Variants in LRP1B observed in about 807,000 individuals in gnomAD.
The protein encoded by LRP1B is LDL receptor related protein 1B.
LRP1B carries 217 observed loss-of-function variants against 556.6 expected under a neutral mutation model. The observed-to-expected ratio is 0.39, with a 90% CI of 0.35 to 0.44. LRP1B has a LOEUF of 0.44. Among genes scored for constraint, LRP1B ranks in the 20% least tolerant of loss-of-function variants. The pLI, the probability that LRP1B is intolerant of heterozygous loss-of-function variation, is 1.00. For missense variants in LRP1B, 5,053 were observed against 5,620.8 expected, an observed-to-expected ratio of 0.90 and a Z score of 3.23; for synonymous variants, 2,047 against 1,865.8, an observed-to-expected ratio of 1.10 and a Z score of -2.50.
intron 41 of LRP1B, among the ~76,000 whole-genome samples, chr2:140,619,252 C>A (rs1175410984): frequency 2.0e-5 from 3 of 152,044 alleles, no homozygotes; most frequent in Non-Finnish European, 2.9e-5. Flanking sequence ...AATAAACTTA[C>A]AAATTTGTTT....
chr2:141,791,853 C>T (rs1308149912), intron 2 of LRP1B, among the ~76,000 whole-genome samples: 1 of 151,946 alleles, frequency 6.6e-6, no homozygotes, highest in Non-Finnish European at 1.5e-5. Flanking sequence ...TGGTTATGTC[C>T]ACTTACAAAA....
At chr2:142,036,650 T>A (rs1297466001) in intron 1 of LRP1B, among the ~76,000 whole-genome samples, 7 of 151,616 alleles carry the variant, frequency 4.6e-5, no homozygotes, top group Admixed American at 4.6e-4. Flanking sequence ...TACATTGCAT[T>A]TTTTTGACAA....
At chr2:141,032,643 A>C (rs142339627) in intron 11 of LRP1B, among the ~76,000 whole-genome samples, 16 of 151,802 alleles carry the variant, frequency 1.1e-4, no homozygotes, top group Admixed American at 2.6e-4. Flanking sequence ...TGCCTCAATA[A>C]GTCCTTTTTA....
intron 1 of LRP1B, among the ~76,000 whole-genome samples, chr2:141,945,931 G>GATTT (rs140141783): frequency 0.1 from 15,550 of 150,764 alleles, 919 homozygotes; most frequent in African/African-American, 0.12. Flanking sequence ...AAACCAGCAG[G>GATTT]ATTTATTTAT....
At chr2:141,916,677 C>T (rs1018827882) in intron 1 of LRP1B, among the ~76,000 whole-genome samples, 20 of 151,884 alleles carry the variant, frequency 1.3e-4, no homozygotes, top group African/African-American at 4.8e-4. Context: ...CCACCGCGCC[C>T]GGCCCCACAC....
intron 41 of LRP1B, among the ~76,000 whole-genome samples, chr2:140,612,384 C>T (rs1553498773): frequency 6.6e-6 from 1 of 152,024 alleles, no homozygotes; most frequent in Non-Finnish European, 1.5e-5. Context: ...GCATTAATTT[C>T]TACATTTACC....
At chr2:141,519,402 TGA>T (rs1447891221) in intron 2 of LRP1B, among the ~76,000 whole-genome samples, 1,969 of 29,520 alleles carry the variant, frequency 0.067, 82 homozygotes, top group Non-Finnish European at 0.086. Flanking sequence ...TATATATATA[TGA>T]AATGCAATAT....
chr2:141,361,915 C>A (rs77438337), intron 3 of LRP1B, among the ~76,000 whole-genome samples: 9,336 of 152,248 alleles, frequency 0.061, 391 homozygotes, highest in African/African-American at 0.1. Context: ...AGTACACTAT[C>A]CTTTCACTCA....
intron 27 of LRP1B, among the ~76,000 whole-genome samples, chr2:140,859,378 G>A (rs1377100258): frequency 1.3e-5 from 2 of 152,164 alleles, no homozygotes; most frequent in South Asian, 4.1e-4. Context: ...TAGTGAGGGA[G>A]TATCAATAAT....
chr2:141,792,370 T>TA, intron 2 of LRP1B, among the ~76,000 whole-genome samples: 1 of 152,084 alleles, frequency 6.6e-6, no homozygotes, highest in Non-Finnish European at 1.5e-5. Context: ...TTCATTCCCT[T>TA]AAAAAAGAAA....
intron 86 of LRP1B, among the ~76,000 whole-genome samples, chr2:140,252,865 A>C (rs1681511747): frequency 1.3e-5 from 2 of 152,114 alleles, no homozygotes; most frequent in African/African-American, 4.8e-5. Context: ...TCTATCATTT[A>C]TAAATTCATC....
chr2:141,017,175 A>G lies in LRP1B; in HGVS notation c.1971-1260T>C, dbSNP rs1207838987. Among the ~76,000 whole-genome samples the G allele has an allele frequency of 4.1e-5, 6 of 147,238 alleles. 1 individual carries two copies. The highest frequency in any genetic ancestry group is 7.0e-5 in the Admixed American group (1 of 14,332). ...AGTGATTTTTTAATTGGGACAACTT[A>G]GTAACAAAAAGGATAGTCATTCTAT... On this transcript the variant is annotated intron_variant, in intron 12 of 90. Transcript: ENST00000389484.
At chr2:140,440,019 T>G (rs1487629261) in intron 66 of LRP1B, among the ~76,000 whole-genome samples, 1 of 152,122 alleles carries the variant, frequency 6.6e-6, no homozygotes, top group Non-Finnish European at 1.5e-5. Flanking sequence ...TTACATAATT[T>G]AAATAAAAAC....
In LRP1B at chr2:140,898,692, C is replaced by T. The variant is rs1224925340; in HGVS notation, c.3766+4228G>A. On this transcript the variant is annotated intron_variant, in intron 23 of 90. Coordinates refer to ENST00000389484, the MANE Select transcript of LRP1B (RefSeq NM_018557.3). ...TCCTAAAAAAATTCTAGAGATGCTA[C>T]GCCTAAATGGCAGTCACCTGAGAGA... The T allele has an allele frequency of 6.3e-5, 30 of 476,884 alleles. No homozygotes were observed. The East Asian group carries it at 1.4e-3, about 22-fold the overall frequency. The allele number at this position is 476,884 out of a possible 1,614,324, so 29.5% of individuals were successfully genotyped here.
At chr2:141,513,646 A>G (rs1005419231) in intron 2 of LRP1B, among the ~76,000 whole-genome samples, 3 of 152,180 alleles carry the variant, frequency 2.0e-5, no homozygotes, top group East Asian at 3.9e-4. Context: ...AGTAGACACC[A>G]TGATTCTCAA....
intron 66 of LRP1B, among the ~76,000 whole-genome samples, chr2:140,438,853 A>G (rs1686302600): frequency 1.3e-5 from 2 of 152,192 alleles, no homozygotes; most frequent in South Asian, 4.1e-4. Context: ...GCAAGACGAC[A>G]GAGAGGAGTG....
intron 50 of LRP1B, 52 bp from the exon 51 acceptor site, chr2:140,514,824 C>T (rs749497405): frequency 6.8e-7 from 1 of 1,478,936 alleles, no homozygotes; most frequent in Non-Finnish European, 9.1e-7. Flanking sequence ...CGTCTTACAA[C>T]AGATCCGACA....
intron 23 of LRP1B, among the ~76,000 whole-genome samples, chr2:140,894,069 T>A (rs188634667): frequency 1.3e-5 from 2 of 152,290 alleles, no homozygotes; most frequent in Admixed American, 1.3e-4. Context: ...AATGTGTCAT[T>A]TTTTAAAGAG....
chr2:140,601,140 T>C (rs1311929903), intron 42 of LRP1B, among the ~76,000 whole-genome samples: 1 of 151,762 alleles, frequency 6.6e-6, no homozygotes, highest in Non-Finnish European at 1.5e-5. Flanking sequence ...TTTAAATATA[T>C]GGTTCCAATC....
Sources: allele counts gnomAD v4.1 joint callset (sites outside exome capture counted in the v4.1 genomes callset), GRCh38; gene constraint gnomAD v4.1.1; transcripts MANE v1.5; gene names NCBI Gene and HGNC (gene_info 2026-07-23, HGNC 2026-07-21).